ZNF292: variants seen among roughly 807,000 people sequenced by gnomAD.
ZNF292 encodes zinc finger protein 292.
A neutral mutation model predicts 217.9 loss-of-function variants in ZNF292; 26 were observed. That is an observed-to-expected ratio of 0.12 (90% CI 0.09 to 0.17). The LOEUF is 0.17. ZNF292 is among the 10% of genes least tolerant of loss of function. The pLI, the probability that ZNF292 is intolerant of heterozygous loss-of-function variation, is 1.00. For missense variants in ZNF292, 2,904 were observed against 3,175.2 expected, an observed-to-expected ratio of 0.91 and a Z score of 2.05; for synonymous variants, 1,257 against 1,124.1, an observed-to-expected ratio of 1.12 and a Z score of -2.37.
chr6:87,254,732 A>G lies in ZNF292; in HGVS notation c.1103A>G (p.Lys368Arg). The G allele has an allele frequency of 6.2e-7, 1 of 1,613,986 alleles. No homozygotes were observed. The highest frequency in any genetic ancestry group is 1.1e-5 in the South Asian group (1 of 91,084). The change falls in exon 8 of 8, where the codon AAA becomes AGA. Residue 368 changes from lysine (K) to arginine (R), a missense_variant. By Grantham distance (26) the Lys-to-Arg change is conservative. This residue lies in a region of ZNF292 where 313 missense variants were observed against 451.0 expected (regional missense o/e 0.69). Transcript: ENST00000369577. The part of the protein sequence containing the change: ...RLESTENTEV[K>R]ISICKTISCL... ...GAGTCTACAGAAAATACTGAAGTGA[A>G]AATATCTATTTGCAAGACCATTTCA...
chr6:87,227,065 G>A (rs1029568363), intron 4 of ZNF292, among the ~76,000 whole-genome samples: 3 of 151,958 alleles, frequency 2.0e-5, no homozygotes, highest in African/African-American at 7.3e-5. Context: ...CTTATTTTAC[G>A]CAAAAATTGT....
chr6:87,180,669 C>G (rs1249410127), intron 1 of ZNF292, among the ~76,000 whole-genome samples: 1 of 115,764 alleles, frequency 8.6e-6, no homozygotes, highest in Non-Finnish European at 1.7e-5. Flanking sequence ...AACCTCGAGC[C>G]CCTTAAGCCC....
chr6:87,239,787 G>A (rs992600742), intron 5 of ZNF292, among the ~76,000 whole-genome samples: 3 of 149,748 alleles, frequency 2.0e-5, no homozygotes, highest in African/African-American at 7.5e-5. Flanking sequence ...CCACATCTCA[G>A]ACAATGGGCA....
intron 4 of ZNF292, among the ~76,000 whole-genome samples, chr6:87,221,293 A>G (rs1773072322): frequency 6.6e-6 from 1 of 152,186 alleles, no homozygotes; most frequent in Non-Finnish European, 1.5e-5. Flanking sequence ...AACTTTAGGC[A>G]TACTTAAATA....
At chr6:87,217,447 G>A (rs762021812) in intron 3 of ZNF292, among the ~76,000 whole-genome samples, 2 of 151,840 alleles carry the variant, frequency 1.3e-5, no homozygotes, top group Admixed American at 6.6e-5. Context: ...ATTCTACTTC[G>A]GATATCCGTA....
chr6:87,167,984 T>C (rs908550743), intron 1 of ZNF292, among the ~76,000 whole-genome samples: 1 of 152,208 alleles, frequency 6.6e-6, no homozygotes, highest in Non-Finnish European at 1.5e-5. Context: ...ACTCAGACTG[T>C]CATTGTCCAA....
In ZNF292 at chr6:87,261,842, T is replaced by TAAATAGGAAGCCATCAAGCATGC; in HGVS notation, c.*42_*64dup. 7.6e-7 allele frequency: 1 copy of TAAATAGGAAGCCATCAAGCATGC among 1,320,584 alleles called. No homozygotes were observed. The highest frequency in any genetic ancestry group is 1.0e-6 in the Non-Finnish European group (1 of 985,422). 81.8% of individuals were successfully genotyped at this position (1,320,584 alleles called of 1,614,324 possible). A position where few individuals can be genotyped will look rare whatever the true frequency, so the allele number is the denominator to read the frequency against. ...AAATACATCATTTACCATTTTATTT[T>TAAATAGGAAGCCATCAAGCATGC]AAATAGGAAGCCATCAAGCATGCTA... On this transcript the variant is annotated 3_prime_UTR_variant, in exon 8 of 8. Coordinates refer to ENST00000369577, the MANE Select transcript of ZNF292 (RefSeq NM_015021.3).
In ZNF292 at chr6:87,245,484, A is replaced by G. The variant is rs545293726; in HGVS notation, c.879-19A>G. ...CCTTACTGCTCCAACTTTTCTTATT[A>G]TAACTTTTTTTTTTTAAGGGAACTT... On this transcript the variant is annotated intron_variant, in intron 6 of 7. Transcript: ENST00000369577. 20 of 1,469,506 alleles carry G rather than the reference A, an allele frequency of 1.4e-5. 2 individuals are homozygous for G. The highest frequency in any genetic ancestry group is 7.2e-5 in the African/African-American group (5 of 69,248). 91.0% of individuals were successfully genotyped at this position (1,469,506 alleles called of 1,614,324 possible). A position where few individuals can be genotyped will look rare whatever the true frequency, so the allele number is the denominator to read the frequency against.
intron 5 of ZNF292, among the ~76,000 whole-genome samples, chr6:87,239,475 G>T (rs1415171442): frequency 6.6e-6 from 1 of 151,280 alleles, no homozygotes; most frequent in African/African-American, 2.5e-5. Context: ...GGGGCGGCTG[G>T]CCGGGCGGGG....
chr6:87,202,837 C>G (rs1772134729), intron 1 of ZNF292, among the ~76,000 whole-genome samples: 1 of 151,538 alleles, frequency 6.6e-6, no homozygotes, highest in Non-Finnish European at 1.5e-5. Context: ...AGACCACATT[C>G]ACATAACTTT....
At chr6:87,166,096 ATAT>A (rs1770903997) in intron 1 of ZNF292, among the ~76,000 whole-genome samples, 1 of 152,200 alleles carries the variant, frequency 6.6e-6, no homozygotes. Context: ...GAAACCCAAC[ATAT>A]TATGTTCACA....
rs1328473610 is a variant in ZNF292 at position 87,258,308 on chromosome 6, C to A, written c.4679C>A (p.Ser1560Tyr). Residue 1560 changes from serine to tyrosine, a missense_variant, in exon 8 of 8, where the codon TCC becomes TAC. Ser to Tyr is a moderately radical substitution (Grantham distance 144). This residue lies in a region of ZNF292 where 622 missense variants were observed against 573.1 expected (regional missense o/e 1.09). Transcript: ENST00000369577. ...QNRTSNSKTSSIEECSSLPVF... is the reference protein window; with the variant it reads ...QNRTSNSKTSYIEECSSLPVF... ...AGGACGTCAAACTCCAAAACTTCCT[C>A]CATTGAGGAATGTAGCAGCTTGCCT... 3 of 1,613,518 alleles carry A rather than the reference C, an allele frequency of 1.9e-6. No individual in the cohort carries two copies. Among genetic ancestry groups the A allele is most frequent in the South Asian group, 2.2e-5 (2 of 91,022 alleles).
In ZNF292 at chr6:87,261,003, C is replaced by T. The variant is rs1775556477; in HGVS notation, c.7374C>T (p.Ser2458=). ...VKDSDTCVSE[S]NDNSRTTATV... ...ATTCTGACACGTGTGTATCAGAGAG[C>T]AATGATAATTCAAGAACAACAGCTA... Residue 2458 remains serine, a synonymous_variant, in exon 8 of 8, where the codon AGC becomes AGT. Coordinates refer to ENST00000369577, the MANE Select transcript of ZNF292 (RefSeq NM_015021.3). 2 of 1,605,176 alleles carry T rather than the reference C, an allele frequency of 1.2e-6. No individual in the cohort carries two copies. Among genetic ancestry groups the T allele is most frequent in the Non-Finnish European group, 1.7e-6 (2 of 1,175,334 alleles).
In ZNF292 at chr6:87,259,770, A is replaced by G. The variant is rs371897168; in HGVS notation, c.6141A>G (p.Lys2047=). ...AVIPEKQLVE[K]KSPDKTESSL... is the part of the protein sequence containing the mutation. ...TCCCAGAAAAACAACTTGTAGAAAA[A>G]AAAAGTCCTGACAAAACAGAAAGTT... is the stretch of plus-strand genomic sequence containing the variant. The change falls in exon 8 of 8, where the codon AAA becomes AAG. Residue 2047 remains lysine (K), a synonymous_variant. Transcript: ENST00000369577. 113 of 1,602,886 alleles carry G rather than the reference A, an allele frequency of 7.0e-5. No homozygotes were observed. Among genetic ancestry groups the G allele is most frequent in the Non-Finnish European group, 9.1e-5 (107 of 1,174,454 alleles).
intron 7 of ZNF292, chr6:87,249,317 G>C (rs1442184758): frequency 2.7e-6 from 1 of 365,848 alleles, no homozygotes; most frequent in Non-Finnish European, 5.5e-6. Context: ...TGTAGAGATG[G>C]GGTCTCACTA....
intron 1 of ZNF292, among the ~76,000 whole-genome samples, chr6:87,207,868 G>A (rs80249949): frequency 6.6e-6 from 1 of 152,158 alleles, no homozygotes; most frequent in Admixed American, 6.5e-5. Flanking sequence ...TTGCACAACT[G>A]TCTTCTTGGA....
chr6:87,159,256 A>G (rs1214054346), intron 1 of ZNF292, among the ~76,000 whole-genome samples: 3 of 152,072 alleles, frequency 2.0e-5, no homozygotes, highest in East Asian at 3.8e-4. Flanking sequence ...GAAATAAGCC[A>G]CCTGCCCCCC....
Position 87,256,879 on chromosome 6 carries a change from T to G in ZNF292, c.3250T>G (p.Leu1084Val), listed in dbSNP as rs779129580. ...VPPQSDLSNSLGTPSVPPKAP... is the reference protein window; with the variant it reads ...VPPQSDLSNSVGTPSVPPKAP... ...ACCGCAGTCCGACCTAAGTAATTCATTAGGAACTCCATCAGTGCCTCCAAA... is the reference window on the plus strand; with the variant it reads ...ACCGCAGTCCGACCTAAGTAATTCAGTAGGAACTCCATCAGTGCCTCCAAA... Residue 1084 changes from leucine to valine, a missense_variant, in exon 8 of 8, where the codon TTA becomes GTA. This residue lies in a region of ZNF292 where 687 missense variants were observed against 623.0 expected (regional missense o/e 1.10). Coordinates refer to ENST00000369577, the MANE Select transcript of ZNF292 (RefSeq NM_015021.3). 6.2e-7 allele frequency: 1 copy of G among 1,613,876 alleles called. No homozygotes were observed. Among genetic ancestry groups the G allele is most frequent in the South Asian group, 1.1e-5 (1 of 91,084 alleles).
intron 5 of ZNF292, among the ~76,000 whole-genome samples, chr6:87,241,376 T>A (rs1774275946): frequency 6.6e-6 from 1 of 151,912 alleles, no homozygotes; most frequent in Non-Finnish European, 1.5e-5. Context: ...TTTAACGTAA[T>A]TTTGAATAAA....
Sources: allele counts gnomAD v4.1 joint callset (sites outside exome capture counted in the v4.1 genomes callset), GRCh38; gene constraint gnomAD v4.1.1; regional missense constraint gnomAD v4.1.1; transcripts MANE v1.5; gene names NCBI Gene and HGNC (gene_info 2026-07-23, HGNC 2026-07-21).